SACM1L: variants seen among roughly 807,000 people sequenced by gnomAD.
SACM1L encodes phosphatidylinositol-3-phosphatase SAC1.
Under a neutral mutation model 89.5 loss-of-function variants are expected in SACM1L, and 32 were observed. The observed-to-expected ratio is 0.36, with a 90% CI of 0.27 to 0.48. The LOEUF (loss-of-function observed/expected upper bound fraction) is 0.48. Ranked by LOEUF, SACM1L falls within the 20% of genes least tolerant of loss-of-function variation. The pLI, the probability that SACM1L is intolerant of heterozygous loss-of-function variation, is 0.99. For synonymous variants in SACM1L, 213 were observed against 232.8 expected (o/e 0.92, Z 0.77); for missense variants, 543 against 708.5 (o/e 0.77, Z 2.65).
intron 10 of SACM1L, among the ~76,000 whole-genome samples, chr3:45,723,236 TTCCACTGA>T: frequency 6.6e-6 from 1 of 152,256 alleles, no homozygotes; most frequent in African/African-American, 2.4e-5. Context: ...ACTTAATATA[TTCCACTGA>T]GGTTGTACTC....
intron 8 of SACM1L, among the ~76,000 whole-genome samples, chr3:45,720,034 C>T (rs1025132305): frequency 4.6e-5 from 7 of 152,148 alleles, no homozygotes; most frequent in Non-Finnish European, 8.8e-5. Context: ...TAGCAACATG[C>T]TTATTTTGCT....
At chr3:45,721,032 A>G (rs913204751) in intron 8 of SACM1L, among the ~76,000 whole-genome samples, 8 of 152,378 alleles carry the variant, frequency 5.3e-5, no homozygotes, top group African/African-American at 1.7e-4. Context: ...AAATTTTTAA[A>G]GGAATGCTTC....
chr3:45,716,425 C>T (rs1277228066), intron 7 of SACM1L, among the ~76,000 whole-genome samples: 1 of 152,166 alleles, frequency 6.6e-6, no homozygotes, highest in African/African-American at 2.4e-5. Context: ...GCTATGATCA[C>T]ACCACTGTGT....
At chr3:45,721,784 G>GT (rs1388680452) in intron 8 of SACM1L, among the ~76,000 whole-genome samples, 1 of 151,988 alleles carries the variant, frequency 6.6e-6, no homozygotes, top group Admixed American at 6.6e-5. Context: ...TTATTAATAG[G>GT]TTTTTAATAC....
intron 1 of SACM1L, among the ~76,000 whole-genome samples, chr3:45,691,585 T>C (rs538321479): frequency 1.4e-5 from 2 of 147,592 alleles, no homozygotes; most frequent in South Asian, 4.3e-4. Context: ...TTTATTTAAA[T>C]GTTGAAATGC....
rs142794471 is a variant in SACM1L, at chr3:45,736,369, A to G, written c.1239+996A>G. On this transcript the variant is annotated intron_variant, in intron 14 of 19. Transcript: ENST00000389061. ...GGAATGAAAAAGATGTAGAGCCCCA[A>G]TTTTTAAATCACATTGGCATTTGTT... Among the ~76,000 whole-genome samples, 516 of 152,312 alleles carry G rather than the reference A, an allele frequency of 3.4e-3. 2 individuals carry two copies. Among genetic ancestry groups the G allele is most frequent in the African/African-American group, 0.012 (480 of 41,576 alleles).
In SACM1L at chr3:45,722,907, A is replaced by G; in HGVS notation, c.804A>G (p.Pro268=). ...GSIPVFWSQR[P]NLKYKPLPQI... ...TACCTGTTTTCTGGTCCCAAAGACC[A>G]AACCTCAAGTACAAACCACTGCCAC... is the stretch of plus-strand genomic sequence containing the variant. Residue 268 remains proline (P), a synonymous_variant, in exon 10 of 20, where the codon CCA becomes CCG. Coordinates refer to ENST00000389061, the MANE Select transcript of SACM1L (RefSeq NM_014016.5). 1.2e-6 allele frequency: 2 copies of G among 1,613,894 alleles called. No homozygotes were observed. Among genetic ancestry groups the G allele is most frequent in the Middle Eastern group, 1.7e-4 (1 of 6,060 alleles).
At chr3:45,718,859 C>A (rs1435266061) in intron 7 of SACM1L, among the ~76,000 whole-genome samples, 12 of 151,894 alleles carry the variant, frequency 7.9e-5, no homozygotes, top group African/African-American at 2.9e-4. Flanking sequence ...GTGTCCTATA[C>A]CATATACTAT....
At chr3:45,703,683 G>C (rs916877272) in intron 2 of SACM1L, 148 bp downstream of exon 2, 1 of 492,562 alleles carries the variant, frequency 2.0e-6, no homozygotes, top group Non-Finnish European at 3.6e-6. Flanking sequence ...CTCATTCATA[G>C]GTTGGTGCAT....
chr3:45,735,341 T>A lies in SACM1L; in HGVS notation c.1207T>A (p.Leu403Ile). 6.3e-7 allele frequency: 1 copy of A among 1,589,090 alleles called. No homozygotes were observed. The highest frequency in any genetic ancestry group is 1.2e-5 in the South Asian group (1 of 86,024). The change falls in exon 14 of 20, where the codon TTA (leucine) becomes ATA (isoleucine). Residue 403 changes from leucine (L) to isoleucine (I), a missense_variant. Physicochemically the swap from Leu to Ile is conservative, Grantham distance 5. This residue lies in a region of SACM1L where 370 missense variants were observed against 527.6 expected (regional missense o/e 0.70). Coordinates refer to ENST00000389061, the MANE Select transcript of SACM1L (RefSeq NM_014016.5). ...TAGAACCAATGTGATCCAGAGTTTG[T>A]TAGCTCGTCGTTCACTTCAGGCCCA... Reference protein sequence around the residue: ...LDRTNVIQSLLARRSLQAQLQ... With the variant: ...LDRTNVIQSLIARRSLQAQLQ...
chr3:45,695,431 T>G (rs1287442577), intron 1 of SACM1L, among the ~76,000 whole-genome samples: 2 of 152,042 alleles, frequency 1.3e-5, no homozygotes, highest in Non-Finnish European at 2.9e-5. Flanking sequence ...CGGCTAATTT[T>G]TGTATTGTTA....
chr3:45,731,467 A>C, intron 12 of SACM1L, 87 bp downstream of exon 12: 1 of 761,512 alleles, frequency 1.3e-6, no homozygotes, highest in Admixed American at 2.8e-5. Context: ...CACTAGACAT[A>C]TGTTTCAGCT....
At chr3:45,735,508 G>A in intron 14 of SACM1L, 135 bp downstream of exon 14, 1 of 823,292 alleles carries the variant, frequency 1.2e-6, no homozygotes, top group South Asian at 2.8e-5. Context: ...TCTTGCCCAT[G>A]GATGTCACAT....
chr3:45,731,473 C>T, intron 12 of SACM1L, 93 bp downstream of exon 12: 1 of 709,992 alleles, frequency 1.4e-6, no homozygotes. Context: ...ACATATGTTT[C>T]AGCTTGCATT....
chr3:45,717,077 C>T (rs988172495), intron 7 of SACM1L, among the ~76,000 whole-genome samples: 1 of 152,180 alleles, frequency 6.6e-6, no homozygotes, highest in African/African-American at 2.4e-5. Flanking sequence ...GGAGTCTTCT[C>T]TAGTGCTATG....
chr3:45,689,703 C>CGAAA, intron 1 of SACM1L: 1 of 640,434 alleles, frequency 1.6e-6, no homozygotes, highest in Non-Finnish European at 2.7e-6. Context: ...CGGCCTTTCT[C>CGAAA]CACCGTGCTC....
intron 1 of SACM1L, among the ~76,000 whole-genome samples, chr3:45,699,531 G>C (rs1225985741): frequency 6.6e-6 from 1 of 151,842 alleles, no homozygotes; most frequent in Non-Finnish European, 1.5e-5. Context: ...CTTGTTATTT[G>C]CTTGACGTTT....
At chr3:45,727,356 G>T (rs950952019) in intron 11 of SACM1L, among the ~76,000 whole-genome samples, 1 of 152,000 alleles carries the variant, frequency 6.6e-6, no homozygotes, top group Non-Finnish European at 1.5e-5. Context: ...TTAGCTTTCT[G>T]TTGTGATCAG....
chr3:45,737,248 A>G, intron 14 of SACM1L: 1 of 273,750 alleles, frequency 3.7e-6, no homozygotes, highest in Non-Finnish European at 6.8e-6. Context: ...AGGCAGTAGA[A>G]GACTGGGGGT....
Sources: allele counts gnomAD v4.1 joint callset (sites outside exome capture counted in the v4.1 genomes callset), GRCh38; gene constraint gnomAD v4.1.1; regional missense constraint gnomAD v4.1.1; transcripts MANE v1.5; gene names NCBI Gene and HGNC (gene_info 2026-07-23, HGNC 2026-07-21).